Variants in NAV2 observed in about 807,000 individuals in gnomAD.
NAV2 encodes the protein neuron navigator 2.
In NAV2, 54 loss-of-function variants were observed where a neutral mutation model predicts 223.2. The ratio of observed to expected loss-of-function variants is 0.24; its 90% confidence interval spans 0.19 to 0.30. The LOEUF is 0.30. NAV2 is among the 10% of genes least tolerant of loss of function. The pLI, the probability that NAV2 is intolerant of heterozygous loss-of-function variation, is 1.00. For missense variants in NAV2, 2,806 were observed against 3,147.5 expected, an observed-to-expected ratio of 0.89 and a Z score of 2.60; for synonymous variants, 1,279 against 1,239.3, an observed-to-expected ratio of 1.03 and a Z score of -0.67.
At chr11:19,409,057 C>T (rs1437355974) in intron 1 of NAV2, among the ~76,000 whole-genome samples, 1 of 152,160 alleles carries the variant, frequency 6.6e-6, no homozygotes, top group East Asian at 1.9e-4. Context: ...ACTCCAATTA[C>T]GTCCTTAATG....
At chr11:19,795,635 G>C (rs1278531900) in intron 1 of NAV2, among the ~76,000 whole-genome samples, 1 of 152,220 alleles carries the variant, frequency 6.6e-6, no homozygotes, top group Admixed American at 6.5e-5. Flanking sequence ...TTATTGATCA[G>C]AGAGAAAGGA....
At chr11:19,974,500 A>G (rs946411739) in intron 10 of NAV2, among the ~76,000 whole-genome samples, 1 of 152,364 alleles carries the variant, frequency 6.6e-6, no homozygotes, top group South Asian at 2.1e-4. Context: ...AAATATTAAT[A>G]ATAGCCCAGG....
intron 8 of NAV2, among the ~76,000 whole-genome samples, chr11:19,942,809 A>C (rs563257298): frequency 1.3e-5 from 2 of 152,160 alleles, no homozygotes; most frequent in Non-Finnish European, 2.9e-5. Flanking sequence ...CACATAGAAG[A>C]CCTCATCTCT....
intron 6 of NAV2, among the ~76,000 whole-genome samples, chr11:19,899,338 C>G (rs2042257365): frequency 6.6e-6 from 1 of 152,098 alleles, no homozygotes; most frequent in South Asian, 2.1e-4. Flanking sequence ...GGTTGGCAAA[C>G]CAAGTTATTT....
chr11:19,622,612 G>A (rs2135425880), intron 1 of NAV2, among the ~76,000 whole-genome samples: 1 of 152,124 alleles, frequency 6.6e-6, no homozygotes, highest in South Asian at 2.1e-4. Flanking sequence ...TTTTCCATTT[G>A]CTTGGTAGAT....
At chr11:19,426,482 G>T (rs1564927717) in intron 1 of NAV2, among the ~76,000 whole-genome samples, 1 of 152,152 alleles carries the variant, frequency 6.6e-6, no homozygotes, top group Non-Finnish European at 1.5e-5. Context: ...TTTTGCTCTA[G>T]TCCCTAATTT....
At chr11:19,746,365 C>T (rs1236055802) in intron 1 of NAV2, among the ~76,000 whole-genome samples, 1 of 84,086 alleles carries the variant, frequency 1.2e-5, no homozygotes, top group Non-Finnish European at 2.9e-5. Flanking sequence ...CTTCAGTATG[C>T]GTTTGTATGT....
Position 19,596,555 on chromosome 11 carries a change from C to T in NAV2, c.76-235929C>T, listed in dbSNP as rs560511673. Among the ~76,000 whole-genome samples the T allele has an allele frequency of 4.6e-5, 7 of 152,320 alleles. No homozygotes were observed. The East Asian group carries it at 5.8e-4, about 13-fold the overall frequency. ...AGGCAACGGCTCTGTGCTCCAGGCC[C>T]GAGACAGGCTGTCTGGGAGCTTGGC... On this transcript the variant is annotated intron_variant, in intron 1 of 37. Transcript: ENST00000360655.
chr11:19,734,091 C>A (rs2052053780), intron 1 of NAV2, among the ~76,000 whole-genome samples: 1 of 151,894 alleles, frequency 6.6e-6, no homozygotes, highest in African/African-American at 2.4e-5. Context: ...GATGTAAGAG[C>A]CATTGAAGGA....
At chr11:20,089,048 A>G (rs1475805373) in intron 26 of NAV2, among the ~76,000 whole-genome samples, 1 of 152,190 alleles carries the variant, frequency 6.6e-6, no homozygotes, top group African/African-American at 2.4e-5. Context: ...AAACCTCACA[A>G]ACCACAGGCT....
intron 1 of NAV2, among the ~76,000 whole-genome samples, chr11:19,545,323 T>C (rs2044464933): frequency 6.6e-6 from 1 of 152,194 alleles, no homozygotes; most frequent in Non-Finnish European, 1.5e-5. Context: ...ATTCATGACA[T>C]GTGTGCTCTC....
At chr11:19,623,052 G>T (rs1224778377) in intron 1 of NAV2, among the ~76,000 whole-genome samples, 1 of 152,102 alleles carries the variant, frequency 6.6e-6, no homozygotes. Flanking sequence ...ATGAAATTCT[G>T]GGTTGAAAAC....
At position 19,395,948 on chromosome 11, in the gene NAV2, T is replaced by C. The variant is rs536222316; in HGVS notation, c.75+44921T>C. On this transcript the variant is annotated intron_variant, in intron 1 of 37. Coordinates refer to the NAV2 transcript ENST00000360655. The stretch of plus-strand genomic sequence containing the variant: ...TCTCTGTCCCAGCCTTGCACTTCCT[T>C]ATGGAGTATAATCTAGGAGAGTTTT... Among the ~76,000 whole-genome samples, 15 of 152,286 alleles carry C rather than the reference T, an allele frequency of 9.8e-5. No individual in the cohort carries two copies. In the South Asian group the frequency reaches 2.9e-3, roughly 29 times the overall value.
At chr11:19,531,299 G>T (rs1208393883) in intron 1 of NAV2, among the ~76,000 whole-genome samples, 2 of 152,320 alleles carry the variant, frequency 1.3e-5, no homozygotes, top group African/African-American at 2.4e-5. Flanking sequence ...AGAGTAAGGA[G>T]GCAGGGAGTG....
chr11:19,663,323 C>A (rs2048335879), intron 1 of NAV2, among the ~76,000 whole-genome samples: 1 of 152,180 alleles, frequency 6.6e-6, no homozygotes, highest in East Asian at 1.9e-4. Context: ...TTGTGCTGAG[C>A]ATTTTATATA....
Position 19,574,708 on chromosome 11 carries a change from G to T in NAV2, c.75+223681G>T, listed in dbSNP as rs1445775230. 2.6e-5 allele frequency among the ~76,000 whole-genome samples: 4 copies of T among 152,256 alleles called. No individual in the cohort carries two copies. In the East Asian group the frequency reaches 7.7e-4, roughly 29 times the overall value. ...AAGGTTCCTGCTACCGTGGAGCATAGGTCCAGTTAGAATTAGGTAGAGAGA... is the reference window on the plus strand; with the variant it reads ...AAGGTTCCTGCTACCGTGGAGCATATGTCCAGTTAGAATTAGGTAGAGAGA... On this transcript the variant is annotated intron_variant, in intron 1 of 37. Coordinates refer to the NAV2 transcript ENST00000360655.
chr11:19,853,428 C>T (rs1000480553), intron 3 of NAV2, among the ~76,000 whole-genome samples: 1 of 152,204 alleles, frequency 6.6e-6, no homozygotes, highest in African/African-American at 2.4e-5. Flanking sequence ...GCCCACAGGC[C>T]ACCTGCAGCC....
intron 1 of NAV2, among the ~76,000 whole-genome samples, chr11:19,661,903 C>A (rs1261105890): frequency 6.6e-6 from 1 of 152,170 alleles, no homozygotes; most frequent in Admixed American, 6.5e-5. Flanking sequence ...CAAATTGGAA[C>A]CCAGGGCTCT....
chr11:19,800,672 GGTGTGT>G (rs142402876), intron 1 of NAV2, among the ~76,000 whole-genome samples: 2,268 of 145,942 alleles, frequency 0.016, 23 homozygotes, highest in African/African-American at 0.028. Context: ...AAGGAGAATG[GGTGTGT>G]GTGTGTGTGT....
Sources: allele counts gnomAD v4.1 joint callset (sites outside exome capture counted in the v4.1 genomes callset), GRCh38; gene constraint gnomAD v4.1.1; transcripts MANE v1.5; gene names NCBI Gene and HGNC (gene_info 2026-07-23, HGNC 2026-07-21).